CCDC91: variants seen among roughly 807,000 people sequenced by gnomAD.
CCDC91 encodes the protein coiled-coil domain containing 91, also known as coiled-coil domain-containing protein 91.
In CCDC91, 48 loss-of-function variants were observed where a neutral mutation model predicts 63.2. The ratio of observed to expected loss-of-function variants is 0.76; its 90% CI spans 0.60 to 0.97. CCDC91 has a LOEUF of 0.97. Among genes scored for constraint, CCDC91 ranks in the 50% least tolerant of loss-of-function variants. The pLI, the probability that CCDC91 is intolerant of heterozygous loss-of-function variation, is 0.00. For missense variants in CCDC91, 500 were observed against 494.6 expected (o/e 1.01, Z -0.10); for synonymous variants, 167 against 165.8 (o/e 1.01, Z -0.06).
chr12:28,456,240 C>T (rs1225260079), intron 11 of CCDC91, among the ~76,000 whole-genome samples: 1 of 152,010 alleles, frequency 6.6e-6, no homozygotes, highest in African/African-American at 2.4e-5. Context: ...TAGTCAAGGC[C>T]CCTGTGCTTT....
chr12:28,288,187 C>CT (rs1478367448), intron 3 of CCDC91, among the ~76,000 whole-genome samples: 10 of 152,196 alleles, frequency 6.6e-5, no homozygotes, highest in Non-Finnish European at 1.0e-4. Flanking sequence ...TTTGGATGTA[C>CT]TTTATTTCTT....
chr12:28,407,278 T>C (rs1344067236), intron 8 of CCDC91, among the ~76,000 whole-genome samples: 1 of 152,198 alleles, frequency 6.6e-6, no homozygotes, highest in Non-Finnish European at 1.5e-5. Context: ...CGGGTATTTC[T>C]TTATAGCAAT....
At chr12:28,481,762 G>A (rs1951461352) in intron 11 of CCDC91, among the ~76,000 whole-genome samples, 1 of 151,844 alleles carries the variant, frequency 6.6e-6, no homozygotes, top group African/African-American at 2.4e-5. Flanking sequence ...TCCCAACTGG[G>A]GAGGATAGAA....
At chr12:28,342,350 A>G (rs1345259024) in intron 6 of CCDC91, among the ~76,000 whole-genome samples, 1 of 152,134 alleles carries the variant, frequency 6.6e-6, no homozygotes, top group Non-Finnish European at 1.5e-5. Context: ...TAAGCCACCG[A>G]GTTTATAGTA....
At chr12:28,515,358 T>G (rs1939831979) in intron 12 of CCDC91, among the ~76,000 whole-genome samples, 2 of 151,884 alleles carry the variant, frequency 1.3e-5, no homozygotes, top group Admixed American at 1.3e-4. Flanking sequence ...CTGTTTCACA[T>G]ATCCATGTAT....
chr12:28,313,879 T>A (rs1216425487), intron 6 of CCDC91, among the ~76,000 whole-genome samples: 2 of 152,016 alleles, frequency 1.3e-5, no homozygotes, highest in Admixed American at 6.6e-5. Flanking sequence ...TTCCAGTCCC[T>A]TTTGTCTCCT....
At chr12:28,329,452 A>G (rs1297483659) in intron 6 of CCDC91, among the ~76,000 whole-genome samples, 2 of 152,086 alleles carry the variant, frequency 1.3e-5, no homozygotes, top group African/African-American at 2.4e-5. Flanking sequence ...TCTCTTGTGC[A>G]TATACCTAAA....
intron 1 of CCDC91, among the ~76,000 whole-genome samples, chr12:28,222,305 G>A (rs1472256604): frequency 2.0e-5 from 3 of 151,202 alleles, no homozygotes; most frequent in Non-Finnish European, 4.4e-5. Context: ...CGGTGGTGGT[G>A]GTGGTGCTGG....
At chr12:28,246,024 A>G (rs1240448174) in intron 1 of CCDC91, among the ~76,000 whole-genome samples, 1 of 152,176 alleles carries the variant, frequency 6.6e-6, no homozygotes, top group East Asian at 1.9e-4. Context: ...GTCTCTTGAT[A>G]GGAAAGTGGC....
At chr12:28,416,995 T>C (rs1347252341) in intron 8 of CCDC91, among the ~76,000 whole-genome samples, 2 of 152,156 alleles carry the variant, frequency 1.3e-5, no homozygotes, top group Admixed American at 1.3e-4. Context: ...TCTTTTTCTG[T>C]GTATGTATAT....
intron 8 of CCDC91, among the ~76,000 whole-genome samples, chr12:28,434,411 A>G (rs1277898345): frequency 6.6e-6 from 1 of 151,214 alleles, no homozygotes; most frequent in Non-Finnish European, 1.5e-5. Context: ...GATTGATTAC[A>G]TTAGTTGATT....
At chr12:28,366,586 A>G (rs1443899315) in intron 7 of CCDC91, among the ~76,000 whole-genome samples, 3 of 152,176 alleles carry the variant, frequency 2.0e-5, no homozygotes, top group Non-Finnish European at 2.9e-5. Context: ...GGGAACTAGG[A>G]CTTTAATTCA....
intron 3 of CCDC91, among the ~76,000 whole-genome samples, chr12:28,291,367 C>T (rs1416883779): frequency 6.6e-6 from 1 of 152,212 alleles, no homozygotes; most frequent in African/African-American, 2.4e-5. Flanking sequence ...GGTTGTGCAA[C>T]ATGTGGTCAG....
intron 12 of CCDC91, among the ~76,000 whole-genome samples, chr12:28,485,298 A>AGG (rs1360964230): frequency 6.6e-6 from 1 of 151,904 alleles, no homozygotes; most frequent in African/African-American, 2.4e-5. Flanking sequence ...AGCTGAAATT[A>AGG]CAGGCGCCTG....
At chr12:28,439,733 C>CTT (rs71438747) in intron 8 of CCDC91, among the ~76,000 whole-genome samples, 104 of 133,004 alleles carry the variant, frequency 7.8e-4, no homozygotes, top group Admixed American at 1.6e-3. Context: ...TTTCTTTTTT[C>CTT]TTTTTTTTTT....
intron 11 of CCDC91, among the ~76,000 whole-genome samples, chr12:28,471,186 GATAC>G (rs1379105706): frequency 6.6e-6 from 1 of 152,106 alleles, no homozygotes; most frequent in Non-Finnish European, 1.5e-5. Context: ...ACAGAGCCAA[GATAC>G]ATAAAAGTTC....
intron 6 of CCDC91, among the ~76,000 whole-genome samples, chr12:28,361,856 A>G (rs1165269724): frequency 3.0e-5 from 3 of 100,714 alleles, no homozygotes; most frequent in Admixed American, 3.2e-4. Context: ...CTTTTGTCTT[A>G]TCTGTTTTCT....
At chr12:28,473,650 T>C (rs1950934037) in intron 11 of CCDC91, among the ~76,000 whole-genome samples, 2 of 152,140 alleles carry the variant, frequency 1.3e-5, no homozygotes, top group Non-Finnish European at 2.9e-5. Context: ...TTTGAATAAC[T>C]TCAAACTTGG....
At chr12:28,539,417 A>T (rs2141774685) in intron 12 of CCDC91, among the ~76,000 whole-genome samples, 1 of 152,248 alleles carries the variant, frequency 6.6e-6, no homozygotes, top group Middle Eastern at 3.4e-3. Flanking sequence ...AGATAGTTGT[A>T]GATAAGTGGC....
Sources: allele counts gnomAD v4.1 joint callset (sites outside exome capture counted in the v4.1 genomes callset), GRCh38; gene constraint gnomAD v4.1.1; transcripts MANE v1.5; gene names NCBI Gene and HGNC (gene_info 2026-07-23, HGNC 2026-07-21).